The following RUNX1T1 variants were observed in gnomAD, a reference collection of about 807,000 sequenced individuals.
RUNX1T1 encodes protein CBFA2T1.
In RUNX1T1, 4 loss-of-function variants were observed where a neutral mutation model predicts 62.8. The ratio of observed to expected loss-of-function variants is 0.06; its 90% CI spans 0.03 to 0.15. RUNX1T1 has a LOEUF of 0.15. Ranked by LOEUF, RUNX1T1 falls within the 10% of genes least tolerant of loss-of-function variation. RUNX1T1 has a pLI of 1.00. For missense variants in RUNX1T1, 508 were observed against 754.3 expected (o/e 0.67, Z 3.82); for synonymous variants, 291 against 286.0 (o/e 1.02, Z -0.18).
chr8:92,027,047 C>T (rs1281619360), intron 1 of RUNX1T1, among the ~76,000 whole-genome samples: 5 of 132,130 alleles, frequency 3.8e-5, no homozygotes, highest in Admixed American at 2.4e-4. Flanking sequence ...ACCCGGGAGG[C>T]GGAGCTTGCA....
At chr8:92,062,795 T>A in exon 1 of RUNX1T1, 1 of 1,479,278 alleles carries the variant, frequency 6.8e-7, no homozygotes, top group Non-Finnish European at 9.0e-7. Context: ...ACATGTGGCC[T>A]TGAACCCAGC....
chr8:92,006,927 C>T (rs1184369143), intron 4 of RUNX1T1, among the ~76,000 whole-genome samples: 1 of 151,992 alleles, frequency 6.6e-6, no homozygotes, highest in Non-Finnish European at 1.5e-5. Flanking sequence ...ATATAAAATA[C>T]TAGGATATTT....
rs960225256 is a variant in RUNX1T1 at position 92,005,300 on chromosome 8, G to A, written c.478-3C>T. 6.2e-7 allele frequency: 1 copy of A among 1,609,970 alleles called. No individual in the cohort carries two copies. Among genetic ancestry groups the A allele is most frequent in the Non-Finnish European group, 8.5e-7 (1 of 1,178,978 alleles). On this transcript the variant is annotated splice_region_variant and splice_polypyrimidine_tract_variant and intron_variant, in intron 4 of 10. Transcript: ENST00000396218. ...CGCTGCAGCAGGGGCAAGTTGGCCT[G>A]CAAGGGAATGACAGGAATGAGAGGA...
At chr8:92,015,539 T>C (rs1046616169) in intron 2 of RUNX1T1, among the ~76,000 whole-genome samples, 8 of 152,148 alleles carry the variant, frequency 5.3e-5, no homozygotes, top group African/African-American at 1.9e-4. Flanking sequence ...TGTTTGAACA[T>C]CAAGACGATA....
intron 2 of RUNX1T1, among the ~76,000 whole-genome samples, chr8:92,074,100 A>C (rs980829173): frequency 2.0e-5 from 3 of 152,264 alleles, no homozygotes; most frequent in African/African-American, 7.2e-5. Flanking sequence ...TCATGTTTAA[A>C]GTATGTACAC....
intron 1 of RUNX1T1, among the ~76,000 whole-genome samples, chr8:92,060,611 A>T (rs1831866864): frequency 6.9e-6 from 1 of 145,462 alleles, no homozygotes; most frequent in Non-Finnish European, 1.5e-5. Flanking sequence ...TCATTTAAGC[A>T]GTAGATGATA....
At chr8:92,042,223 C>T (rs1259396364) in intron 1 of RUNX1T1, among the ~76,000 whole-genome samples, 2 of 152,180 alleles carry the variant, frequency 1.3e-5, no homozygotes, top group Admixed American at 1.3e-4. Flanking sequence ...TACGCAGAAA[C>T]AGTCCAGATA....
In RUNX1T1 at chr8:91,970,943, T is replaced by C. The variant is rs1311272134; in HGVS notation, c.1268-95A>G. 5.5e-6 allele frequency: 6 copies of C among 1,083,214 alleles called. No individual in the cohort carries two copies. In the African/African-American group the frequency reaches 9.7e-5, roughly 18 times the overall value. The allele number at this position is 1,083,214 out of a possible 1,614,324, so 67.1% of individuals were successfully genotyped here. A position where few individuals can be genotyped will look rare whatever the true frequency, so the allele number is the denominator to read the frequency against. The stretch of plus-strand genomic sequence containing the variant: ...TACTTTTCTTTTAATTTTTTTTTTC[T>C]TTCCGAGGCTGGTCTCGAACCCCTG... On this transcript the variant is annotated intron_variant, in intron 9 of 10. Coordinates refer to ENST00000396218, the Ensembl canonical transcript of RUNX1T1.
At chr8:92,094,483 T>C (rs1399438125) in intron 1 of RUNX1T1, among the ~76,000 whole-genome samples, 1 of 152,164 alleles carries the variant, frequency 6.6e-6, no homozygotes, top group Non-Finnish European at 1.5e-5. Context: ...AACAGACTTG[T>C]AGTGATTTTT....
At chr8:91,970,529 T>G (rs1586737576) in intron 10 of RUNX1T1, 129 bp downstream of exon 11, 1 of 788,616 alleles carries the variant, frequency 1.3e-6, no homozygotes, top group South Asian at 3.2e-5. Context: ...CATGAATACC[T>G]TGACTTTCCC....
At chr8:92,023,504 A>T (rs578083795) in intron 1 of RUNX1T1, among the ~76,000 whole-genome samples, 5 of 152,278 alleles carry the variant, frequency 3.3e-5, no homozygotes, top group African/African-American at 1.2e-4. Flanking sequence ...TCTCCCATAA[A>T]CATTAAAATT....
exon 11 of RUNX1T1, chr8:91,959,601 T>C (rs1169937197): frequency 1.4e-5 from 3 of 220,388 alleles, no homozygotes; most frequent in Non-Finnish European, 2.8e-5. Flanking sequence ...TTCATTCTGT[T>C]GACCTGGATA....
chr8:91,984,244 G>A (rs912712826), intron 8 of RUNX1T1, among the ~76,000 whole-genome samples: 2 of 152,018 alleles, frequency 1.3e-5, no homozygotes, highest in African/African-American at 2.4e-5. Flanking sequence ...TCTCTTCCTG[G>A]AGAACATGAT....
chr8:92,000,183 TGATA>T (rs1207597437), intron 5 of RUNX1T1, among the ~76,000 whole-genome samples: 1 of 152,008 alleles, frequency 6.6e-6, no homozygotes, highest in Non-Finnish European at 1.5e-5. Context: ...GGCAGGCATC[TGATA>T]CCTCTCTACT....
chr8:92,040,400 G>C (rs545874795), intron 1 of RUNX1T1, among the ~76,000 whole-genome samples: 26 of 152,176 alleles, frequency 1.7e-4, no homozygotes, highest in African/African-American at 6.3e-4. Context: ...AAAAGGCCGA[G>C]TCTACATCCT....
chr8:92,070,994 G>C (rs565666475), intron 2 of RUNX1T1, among the ~76,000 whole-genome samples: 1 of 152,332 alleles, frequency 6.6e-6, no homozygotes, highest in Admixed American at 6.5e-5. Context: ...CTCTTGGTAA[G>C]ATAAAATCCT....
chr8:91,972,806 A>C (rs1458067228), intron 9 of RUNX1T1, among the ~76,000 whole-genome samples: 1 of 152,116 alleles, frequency 6.6e-6, no homozygotes, highest in Non-Finnish European at 1.5e-5. Flanking sequence ...AAGGTGCTTG[A>C]ATATTTATTA....
chr8:92,011,404 C>T (rs113706070), intron 3 of RUNX1T1, among the ~76,000 whole-genome samples: 1 of 152,096 alleles, frequency 6.6e-6, no homozygotes, highest in Non-Finnish European at 1.5e-5. Context: ...TCTAATATTG[C>T]CTTTATGGAA....
At chr8:92,095,772 A>AG (rs1351940616) in intron 1 of RUNX1T1, 1 of 363,570 alleles carries the variant, frequency 2.8e-6, no homozygotes, top group Non-Finnish European at 4.8e-6. Flanking sequence ...AATGAGAGGC[A>AG]GGCTAGAAGT....
Sources: gnomAD v4.1 joint callset for allele counts (sites outside exome capture counted in the v4.1 genomes callset) on GRCh38, gnomAD v4.1.1 for gene constraint, MANE v1.5 for transcripts, NCBI Gene and HGNC (gene_info 2026-07-23, HGNC 2026-07-21) for gene names.